The following ENOSF1 variants were observed in gnomAD, a reference collection of about 807,000 sequenced individuals.
ENOSF1 encodes the protein enolase superfamily member 1, also known as mitochondrial enolase superfamily member 1.
A neutral mutation model predicts 68.2 loss-of-function variants in ENOSF1; 73 were observed. The observed-to-expected ratio is 1.07, with a 90% CI of 0.89 to 1.30. The LOEUF (loss-of-function observed/expected upper bound fraction) is 1.30, where lower values mean the gene tolerates loss of function less well. Among genes scored for constraint, ENOSF1 ranks in the 50% most tolerant of loss-of-function variants. ENOSF1 has a pLI of 0.00. For synonymous variants in ENOSF1, 223 were observed against 210.4 expected (o/e 1.06, Z -0.52); for missense variants, 589 against 554.5 (o/e 1.06, Z -0.62).
intron 6 of ENOSF1, 32 bp from the exon 7 acceptor site, chr18:691,138 T>C (rs1277239777): frequency 1.9e-6 from 3 of 1,614,118 alleles, no homozygotes; most frequent in Middle Eastern, 1.6e-4. Flanking sequence ...ACTCACTCTT[T>C]TAGGAAACAA....
Position 683,261 on chromosome 18 carries a change from G to A in ENOSF1, c.861C>T (p.His287=), listed in dbSNP as rs752270358. 1.7e-5 allele frequency: 27 copies of A among 1,613,886 alleles called. No homozygotes were observed. Among genetic ancestry groups the A allele is most frequent in the African/African-American group, 2.7e-5 (2 of 74,926 alleles). ...GTTTTCCTACCTTGGAAATGGTGGCGTGCCCCAGAATGTCATCAGGGGAGG... is the reference window on the plus strand; with the variant it reads ...GTTTTCCTACCTTGGAAATGGTGGCATGCCCCAGAATGTCATCAGGGGAGG... ...EPTSPDDILG[H]ATISKALVPL... is the part of the protein sequence containing the mutation. The change falls in exon 11 of 16, where the codon CAC becomes CAT. Residue 287 remains histidine (H), a synonymous_variant. Coordinates refer to ENST00000647584, the MANE Select transcript of ENOSF1 (RefSeq NM_017512.7).
At chr18:695,205 A>G (rs2077594696) in intron 3 of ENOSF1, among the ~76,000 whole-genome samples, 1 of 152,238 alleles carries the variant, frequency 6.6e-6, no homozygotes, top group East Asian at 1.9e-4. Flanking sequence ...TTAGCATTTT[A>G]AAAGAGTACA....
Position 674,316 on chromosome 18 carries a change from G to C in ENOSF1, c.1321C>G (p.Gln441Glu), listed in dbSNP as rs1373068595. 6.2e-7 allele frequency: 1 copy of C among 1,608,218 alleles called. No homozygotes were observed. Among genetic ancestry groups the C allele is most frequent in the Non-Finnish European group, 8.5e-7 (1 of 1,177,374 alleles). Residue 441 changes from glutamine (Q) to glutamate (E), a missense_variant, in exon 16 of 16, where the codon CAA becomes GAA. Transcript: ENST00000647584. ...GEVWKKLLPAQEN is the reference protein window; with the variant it reads ...GEVWKKLLPAEEN ...TTGGGGCTGAGCACTTAATTTTCTT[G>C]AGCAGGAAGGAGTTTCTTCCAAACT...
chr18:687,417 G>T (rs973301464), intron 9 of ENOSF1: 8 of 152,192 alleles, frequency 5.3e-5, no homozygotes, highest in Admixed American at 2.6e-4. Flanking sequence ...CAGCGGGTCT[G>T]GGGAGAGGCC....
chr18:664,229 T>C, the ENOSF1 span, among the ~76,000 whole-genome samples: 3 of 152,214 alleles, frequency 2.0e-5, no homozygotes, highest in South Asian at 6.2e-4. Context: ...AAGAGGTCCT[T>C]CACATCCCTT....
downstream of ENOSF1, chr18:668,997 G>A (rs2074922130): frequency 1.6e-6 from 2 of 1,255,638 alleles, no homozygotes; most frequent in Non-Finnish European, 2.3e-6. Flanking sequence ...GACTGTAATA[G>A]ATGACCTCTA....
In ENOSF1 at chr18:683,390, G is replaced by A. The variant is rs780904230; in HGVS notation, c.742-10C>T. 1.7e-5 allele frequency: 27 copies of A among 1,613,900 alleles called. No homozygotes were observed. The South Asian group carries it at 2.3e-4, about 14-fold the overall frequency. ...GGTTGGCATCCATCATCTGCAAAAA[G>A]AGACTCTTCACAGGGAGGTCAGCCC... On this transcript the variant is annotated splice_polypyrimidine_tract_variant and intron_variant, in intron 10 of 15. Transcript: ENST00000647584.
intron 5 of ENOSF1, chr18:692,911 T>C (rs2077347991): frequency 2.6e-6 from 3 of 1,171,156 alleles, no homozygotes; most frequent in Non-Finnish European, 3.2e-6. Flanking sequence ...CCCAACACTC[T>C]TCAAGGCCAT....
At chr18:669,945 G>C (rs973021530), downstream of ENOSF1, among the ~76,000 whole-genome samples, 1 of 151,686 alleles carries the variant, frequency 6.6e-6, no homozygotes, top group Non-Finnish European at 1.5e-5. Context: ...CTGGGCAACA[G>C]AGTGAGACCC....
intron 3 of ENOSF1, among the ~76,000 whole-genome samples, chr18:696,243 ACT>A (rs2077713878): frequency 8.6e-6 from 1 of 115,924 alleles, no homozygotes; most frequent in Non-Finnish European, 1.6e-5. Context: ...ACAGAGTCTC[ACT>A]CTGTTGCCCA....
downstream of ENOSF1, chr18:669,369 T>C: frequency 4.1e-6 from 1 of 245,250 alleles, no homozygotes; most frequent in Non-Finnish European, 7.2e-6. Flanking sequence ...CCAGAGGATT[T>C]TTTTTTTTTT....
chr18:665,027 C>A, the ENOSF1 span, among the ~76,000 whole-genome samples: 2 of 151,904 alleles, frequency 1.3e-5, no homozygotes, highest in Non-Finnish European at 2.9e-5. Flanking sequence ...ATGATGCTGG[C>A]TTCATAAAAT....
chr18:711,187 T>TAA (rs2079494608), intron 1 of ENOSF1, among the ~76,000 whole-genome samples: 1 of 151,978 alleles, frequency 6.6e-6, no homozygotes, highest in Non-Finnish European at 1.5e-5. Flanking sequence ...AATAAATAAA[T>TAA]AAATTTAAAA....
chr18:693,579 A>G, intron 5 of ENOSF1: 1 of 985,354 alleles, frequency 1.0e-6, no homozygotes, highest in Non-Finnish European at 1.2e-6. Context: ...AGTTAGGATG[A>G]TCCTCTTGTC....
intron 2 of ENOSF1, among the ~76,000 whole-genome samples, chr18:702,246 A>C (rs538625094): frequency 1.7e-4 from 23 of 135,784 alleles, no homozygotes; most frequent in Admixed American, 1.4e-3. Context: ...CCTGGGCAAC[A>C]AGAGCGAAAC....
At chr18:694,529 G>A (rs957991948) in intron 3 of ENOSF1, among the ~76,000 whole-genome samples, 195 bp from the exon 4 acceptor site, 2 of 151,828 alleles carry the variant, frequency 1.3e-5, no homozygotes, top group African/African-American at 4.8e-5. Context: ...TCAGGAGGCT[G>A]AGGCAAGAGG....
downstream of ENOSF1, among the ~76,000 whole-genome samples, chr18:668,025 T>C (rs2074891166): frequency 1.5e-5 from 2 of 132,266 alleles, no homozygotes; most frequent in African/African-American, 2.9e-5. Context: ...GCACAGAAAG[T>C]TTCCCTGGAC....
At chr18:677,578 G>T in intron 13 of ENOSF1, 134 bp from the exon 14 acceptor site, 2 of 1,283,884 alleles carry the variant, frequency 1.6e-6, no homozygotes, top group Non-Finnish European at 2.1e-6. Flanking sequence ...GAAATTCCAA[G>T]ATGAAAATCA....
At chr18:666,896 G>T (rs2074826707), downstream of ENOSF1, among the ~76,000 whole-genome samples, 1 of 40,630 alleles carries the variant, frequency 2.5e-5, no homozygotes, top group Non-Finnish European at 4.2e-5. Flanking sequence ...TCGGGAGATG[G>T]TGATGGAGAT....
Sources: allele counts gnomAD v4.1 joint callset (sites outside exome capture counted in the v4.1 genomes callset), GRCh38; gene constraint gnomAD v4.1.1; transcripts MANE v1.5; gene names NCBI Gene and HGNC (gene_info 2026-07-23, HGNC 2026-07-21).